LINGO2: variants seen among roughly 807,000 people sequenced by gnomAD.
LINGO2 encodes the protein leucine rich repeat and Ig domain containing 2, also known as leucine-rich repeat and immunoglobulin-like domain-containing nogo receptor-interacting protein 2.
Under a neutral mutation model 30.6 loss-of-function variants are expected in LINGO2, and 14 were observed. The ratio of observed to expected loss-of-function variants is 0.46; its 90% CI spans 0.30 to 0.72. LINGO2 has a LOEUF of 0.72. Among genes scored for constraint, LINGO2 ranks in the 30% least tolerant of loss-of-function variants. The pLI is 0.07. For missense variants in LINGO2, 729 were observed against 751.7 expected, an observed-to-expected ratio of 0.97 and a Z score of 0.35; for synonymous variants, 317 against 288.5, an observed-to-expected ratio of 1.10 and a Z score of -1.00.
chr9:28,834,285 C>T, the LINGO2 span, among the ~76,000 whole-genome samples: 1 of 152,084 alleles, frequency 6.6e-6, no homozygotes, highest in African/African-American at 2.4e-5. Context: ...CATCATATTA[C>T]ATTTGTAATA....
At chr9:28,651,127 G>C (rs1828084002) in intron 1 of LINGO2, among the ~76,000 whole-genome samples, 1 of 151,596 alleles carries the variant, frequency 6.6e-6, no homozygotes, top group African/African-American at 2.4e-5. Flanking sequence ...AGCTTGCAGT[G>C]AGCAGAGACT....
the LINGO2 span, among the ~76,000 whole-genome samples, chr9:28,836,384 G>A: frequency 2.0e-5 from 3 of 152,046 alleles, no homozygotes; most frequent in Admixed American, 6.6e-5. Flanking sequence ...GGGCGATCTC[G>A]GCTCACCACA....
At chr9:28,057,007 C>T (rs1460691412) in intron 4 of LINGO2, among the ~76,000 whole-genome samples, 1 of 151,976 alleles carries the variant, frequency 6.6e-6, no homozygotes, top group Non-Finnish European at 1.5e-5. Context: ...GTTGATGATT[C>T]TATATAAAAT....
At chr9:28,700,768 G>C in the LINGO2 span, among the ~76,000 whole-genome samples, 2 of 152,004 alleles carry the variant, frequency 1.3e-5, 1 homozygote, top group Non-Finnish European at 2.9e-5. Flanking sequence ...ATGTCCACCA[G>C]CAATGAATAA....
chr9:28,792,877 A>G, the LINGO2 span, among the ~76,000 whole-genome samples: 10 of 152,160 alleles, frequency 6.6e-5, no homozygotes, highest in Non-Finnish European at 1.5e-4. Flanking sequence ...TTCTTTCCCC[A>G]GTGAATGCTG....
chr9:28,518,460 G>C (rs1388140613), intron 1 of LINGO2, among the ~76,000 whole-genome samples: 2 of 152,042 alleles, frequency 1.3e-5, no homozygotes, highest in African/African-American at 4.8e-5. Context: ...GGGGTTACTT[G>C]GAACTAAAGT....
intron 2 of LINGO2, among the ~76,000 whole-genome samples, chr9:28,430,352 T>C (rs1274827351): frequency 6.6e-6 from 1 of 152,142 alleles, no homozygotes; most frequent in Non-Finnish European, 1.5e-5. Flanking sequence ...ATCTTCCTAG[T>C]ATGGCATATA....
intron 1 of LINGO2, among the ~76,000 whole-genome samples, chr9:28,532,884 C>T (rs1213190362): frequency 3.3e-5 from 5 of 152,060 alleles, no homozygotes; most frequent in East Asian, 1.9e-4. Context: ...TCTTATAGAC[C>T]GAATCCAGCT....
At chr9:28,476,314 C>T (rs1174465808) in intron 1 of LINGO2, among the ~76,000 whole-genome samples, 4 of 152,270 alleles carry the variant, frequency 2.6e-5, no homozygotes, top group South Asian at 4.1e-4. Context: ...CTCGCTCTGT[C>T]GCCCAGGCTG....
chr9:28,874,443 T>C, the LINGO2 span, among the ~76,000 whole-genome samples: 120 of 152,216 alleles, frequency 7.9e-4, no homozygotes, highest in Non-Finnish European at 1.4e-3. Context: ...TCGAGCACTG[T>C]TTTTAAGTGT....
At chr9:28,271,290 T>C (rs1302479202) in intron 4 of LINGO2, among the ~76,000 whole-genome samples, 1 of 152,194 alleles carries the variant, frequency 6.6e-6, no homozygotes, top group Admixed American at 6.5e-5. Flanking sequence ...CACTTATAAA[T>C]GACTTTTTCC....
chr9:28,019,882 C>T (rs1823028967), intron 4 of LINGO2, among the ~76,000 whole-genome samples: 1 of 152,150 alleles, frequency 6.6e-6, no homozygotes, highest in Non-Finnish European at 1.5e-5. Context: ...GTTCTTCCTA[C>T]TTGTCAAATG....
At chr9:28,375,408 T>C (rs1012969361) in intron 2 of LINGO2, among the ~76,000 whole-genome samples, 1 of 149,756 alleles carries the variant, frequency 6.7e-6, no homozygotes, top group Non-Finnish European at 1.5e-5. Flanking sequence ...AGGGTTTGCC[T>C]TATATGCCTG....
intron 4 of LINGO2, among the ~76,000 whole-genome samples, chr9:28,155,185 G>C (rs1327389726): frequency 6.6e-6 from 1 of 152,186 alleles, no homozygotes; most frequent in Admixed American, 6.5e-5. Context: ...TCAATTTACT[G>C]TAAGAATCCA....
At chr9:28,265,778 A>C (rs1009997929) in intron 4 of LINGO2, among the ~76,000 whole-genome samples, 1 of 152,014 alleles carries the variant, frequency 6.6e-6, no homozygotes, top group Non-Finnish European at 1.5e-5. Context: ...ATGTTTTAAA[A>C]ATGGCAAAAG....
chr9:28,517,526 A>G (rs1475514703), intron 1 of LINGO2, among the ~76,000 whole-genome samples: 1 of 152,206 alleles, frequency 6.6e-6, no homozygotes, highest in East Asian at 1.9e-4. Context: ...AAGTAGTGCT[A>G]CCTGAAACAT....
chr9:28,598,418 CAAAAAA>C (rs766825127), intron 1 of LINGO2, among the ~76,000 whole-genome samples: 3 of 109,098 alleles, frequency 2.7e-5, no homozygotes, highest in Admixed American at 9.2e-5. Context: ...TTCTCCATAT[CAAAAAA>C]AAAAAAAAAA....
intron 4 of LINGO2, among the ~76,000 whole-genome samples, chr9:28,110,644 A>C (rs1826749917): frequency 6.6e-6 from 1 of 152,222 alleles, no homozygotes; most frequent in South Asian, 2.1e-4. Context: ...AAAACTCATC[A>C]TCACTGACCA....
intron 4 of LINGO2, among the ~76,000 whole-genome samples, chr9:28,160,419 T>A (rs1279689662): frequency 6.6e-6 from 1 of 152,212 alleles, no homozygotes; most frequent in African/African-American, 2.4e-5. Flanking sequence ...ATTTATTGCC[T>A]CTCCTGTGTG....
Sources: gnomAD v4.1 joint callset for allele counts (sites outside exome capture counted in the v4.1 genomes callset) on GRCh38, gnomAD v4.1.1 for gene constraint, MANE v1.5 for transcripts, NCBI Gene and HGNC (gene_info 2026-07-23, HGNC 2026-07-21) for gene names.